The following PEX16 variants were observed in gnomAD, a reference collection of about 807,000 sequenced individuals.
The protein encoded by PEX16 is peroxisomal biogenesis factor 16, also known as peroxin 16.
In PEX16, 37 loss-of-function variants were observed where a neutral mutation model predicts 50.5. The ratio of observed to expected loss-of-function variants is 0.73; its 90% CI spans 0.56 to 0.96. The LOEUF is 0.96. Among genes scored for constraint, PEX16 ranks in the 40% least tolerant of loss-of-function variants. The pLI, the probability that PEX16 is intolerant of heterozygous loss-of-function variation, is 0.00. For synonymous variants in PEX16, 185 were observed against 190.3 expected (o/e 0.97, Z 0.23); for missense variants, 401 against 438.3 (o/e 0.91, Z 0.76).
chr11:45,918,784 C>T (rs1191202545), upstream of PEX16: 1 of 152,224 alleles, frequency 6.6e-6, no homozygotes, highest in Admixed American at 6.5e-5. Context: ...ACCAAGCAGC[C>T]TCCCTGGAAC....
chr11:45,916,491 G>T (rs2086837526), intron 2 of PEX16, among the ~76,000 whole-genome samples, 188 bp from the exon 3 acceptor site: 3 of 152,198 alleles, frequency 2.0e-5, no homozygotes, highest in African/African-American at 7.2e-5. Context: ...TCACAAGGGT[G>T]GCTGGACCAA....
chr11:45,915,623 A>G, intron 4 of PEX16, 55 bp from the exon 5 acceptor site: 1 of 1,612,304 alleles, frequency 6.2e-7, no homozygotes, highest in Non-Finnish European at 8.5e-7. Context: ...GCGGGAGGCC[A>G]GGGATGCTCT....
At chr11:45,911,120 C>T (rs1228167382) in intron 9 of PEX16, among the ~76,000 whole-genome samples, 158 bp from the exon 10 acceptor site, 1 of 152,256 alleles carries the variant, frequency 6.6e-6, no homozygotes, top group East Asian at 1.9e-4. Context: ...GCCCGGTACA[C>T]AAGGGCAAGA....
At chr11:45,915,444 C>T in intron 5 of PEX16, 24 bp downstream of exon 5, 2 of 1,589,346 alleles carry the variant, frequency 1.3e-6, no homozygotes, top group Non-Finnish European at 1.7e-6. Flanking sequence ...CCATTCCGCT[C>T]CAGGGCTTGG....
intron 2 of PEX16, 63 bp from the exon 3 acceptor site, chr11:45,916,366 C>T (rs1217916126): frequency 1.6e-6 from 2 of 1,284,670 alleles, no homozygotes; most frequent in Non-Finnish European, 2.3e-6. Flanking sequence ...TCACCTTCTC[C>T]CCAGAGCTGC....
Position 45,915,695 on chromosome 11 carries a change from C to T in PEX16, c.359+8G>A. 6.2e-7 allele frequency: 1 copy of T among 1,614,128 alleles called. No individual in the cohort carries two copies. Among genetic ancestry groups the T allele is most frequent in the South Asian group, 1.1e-5 (1 of 91,088 alleles). On this transcript the variant is annotated splice_region_variant and intron_variant, in intron 4 of 10. Coordinates refer to ENST00000378750, the MANE Select transcript of PEX16 (RefSeq NM_004813.4). Reference sequence around the variant, plus strand: ...CCACCCAGGACCCTCTCCACAATCCCAACCTACTTGGCCAGCTGGACGAGG... The same window carrying T: ...CCACCCAGGACCCTCTCCACAATCCTAACCTACTTGGCCAGCTGGACGAGG...
chr11:45,910,692 C>G (rs954723266), intron 10 of PEX16, among the ~76,000 whole-genome samples: 1 of 152,220 alleles, frequency 6.6e-6, no homozygotes, highest in Non-Finnish European at 1.5e-5. Flanking sequence ...GGTCCCCCCA[C>G]CAGTGGACAC....
intron 9 of PEX16, 122 bp from the exon 10 acceptor site, chr11:45,911,084 G>C: frequency 1.3e-6 from 1 of 748,482 alleles, no homozygotes; most frequent in Non-Finnish European, 2.3e-6. Context: ...GAAAACAAAG[G>C]TGACTTTCTT....
Position 45,915,616 on chromosome 11 carries a change from G to T in PEX16, c.360-48C>A, listed in dbSNP as rs762401922. ...GTTGTGGGGAGGTGGCTAGCCGGCG[G>T]GAGGCCAGGGATGCTCTGCTGAGCA... is the stretch of plus-strand genomic sequence containing the variant. On this transcript the variant is annotated intron_variant, in intron 4 of 10. Transcript: ENST00000378750. 8.7e-6 allele frequency: 14 copies of T among 1,612,702 alleles called. No individual in the cohort carries two copies. The African/African-American group carries it at 1.7e-4, about 20-fold the overall frequency.
intron 1 of PEX16, 59 bp from the exon 2 acceptor site, chr11:45,917,552 G>C (rs1278328921): frequency 1.2e-6 from 2 of 1,601,198 alleles, no homozygotes; most frequent in African/African-American, 2.7e-5. Flanking sequence ...TTCGTCTTCG[G>C]GTCCCGGAAA....
Position 45,917,455 on chromosome 11 carries a change from C to T in PEX16, c.148+3G>A. 2 of 1,613,890 alleles carry T rather than the reference C, an allele frequency of 1.2e-6. No individual in the cohort carries two copies. The highest frequency in any genetic ancestry group is 2.2e-5 in the East Asian group (1 of 44,882). On this transcript the variant is annotated splice_donor_region_variant and intron_variant, in intron 2 of 10. Coordinates refer to ENST00000378750, the MANE Select transcript of PEX16 (RefSeq NM_004813.4). Reference sequence around the variant, plus strand: ...CATCCCCCACCCCCAGAGCCCGGCTCACCCAGCTCTGACAGCTCGTGCGAA... The same window carrying T: ...CATCCCCCACCCCCAGAGCCCGGCTTACCCAGCTCTGACAGCTCGTGCGAA...
At position 45,910,182 on chromosome 11, in the gene PEX16, C is replaced by T. The variant is rs751612414; in HGVS notation, c.*72G>A. ...GAGAGGCCGCACGCTGGGACGCTGC[C>T]GGAGTCAGTTTTATTAGGGAAGAGG... On this transcript the variant is annotated 3_prime_UTR_variant, in exon 11 of 11. Coordinates refer to ENST00000378750, the MANE Select transcript of PEX16 (RefSeq NM_004813.4). 4.3e-5 allele frequency: 70 copies of T among 1,612,354 alleles called. No homozygotes were observed. In the Middle Eastern group the frequency reaches 6.0e-4, roughly 14 times the overall value.
chr11:45,910,805 G>C, intron 10 of PEX16, 93 bp downstream of exon 10: 1 of 1,181,692 alleles, frequency 8.5e-7, no homozygotes. Context: ...ACTGTGCCAA[G>C]AATCAAATTG....
Position 45,910,243 on chromosome 11 carries a change from C to T in PEX16, c.*11G>A, listed in dbSNP as rs762706235. On this transcript the variant is annotated 3_prime_UTR_variant, in exon 11 of 11. Coordinates refer to ENST00000378750, the MANE Select transcript of PEX16 (RefSeq NM_004813.4). ...CCCACCCCTCCCCACACCCTCCTTCCGGGAGGTCTGTCAGCCCCAACTGTA... is the reference window on the plus strand; with the variant it reads ...CCCACCCCTCCCCACACCCTCCTTCTGGGAGGTCTGTCAGCCCCAACTGTA... The T allele has an allele frequency of 1.1e-4, 170 of 1,613,754 alleles. No individual in the cohort carries two copies. Among genetic ancestry groups the T allele is most frequent in the South Asian group, 2.6e-4 (24 of 91,070 alleles).
At position 45,915,500 on chromosome 11, in the gene PEX16, G is replaced by C; in HGVS notation, c.428C>G (p.Pro143Arg). ...CTGTGCCTGGGTCTCTCTGTCCAGT[G>C]GAACGATAGGGGGTGAAGTCTGGAG... The part of the protein sequence containing the change: ...AGLQTSPPIV[P>R]LDRETQAQPP... Residue 143 changes from proline (P) to arginine (R), a missense_variant, in exon 5 of 11, where the codon CCA becomes CGA. Transcript: ENST00000378750. 1 of 1,614,154 alleles carries C rather than the reference G, an allele frequency of 6.2e-7. No individual in the cohort carries two copies. Among genetic ancestry groups the C allele is most frequent in the Middle Eastern group, 1.6e-4 (1 of 6,062 alleles).
intron 1 of PEX16, 88 bp from the exon 2 acceptor site, chr11:45,917,581 T>C (rs2086850828): frequency 6.5e-7 from 1 of 1,542,434 alleles, no homozygotes; most frequent in Non-Finnish European, 8.9e-7. Flanking sequence ...CTACGCCCTT[T>C]GGGAACCTGG....
At chr11:45,918,473 GCA>G (rs1007048150), upstream of PEX16, 2 of 157,300 alleles carry the variant, frequency 1.3e-5, no homozygotes, top group African/African-American at 2.4e-5. Context: ...CCCCTAGACA[GCA>G]CAGTTAGTGC....
chr11:45,916,082 G>A (rs2086831667), intron 3 of PEX16, 145 bp downstream of exon 3: 1 of 796,622 alleles, frequency 1.3e-6, no homozygotes, highest in South Asian at 1.3e-5. Flanking sequence ...CACTTTACAG[G>A]TCACCTAATG....
rs763840804 is a variant in PEX16, at chr11:45,914,305, G to A, written c.694+11C>T. ...CAGTGCCAGCCCTATCCTGCCCCGC[G>A]CTAAGGATACAGTGCAGCAGCGGCC... On this transcript the variant is annotated intron_variant, in intron 7 of 10. Coordinates refer to ENST00000378750, the MANE Select transcript of PEX16 (RefSeq NM_004813.4). 331 of 1,613,464 alleles carry A rather than the reference G, an allele frequency of 2.1e-4. 2 individuals carry two copies. The South Asian group carries it at 3.3e-3, about 16-fold the overall frequency.
Sources: gnomAD v4.1 joint callset for allele counts (sites outside exome capture counted in the v4.1 genomes callset) on GRCh38, gnomAD v4.1.1 for gene constraint, MANE v1.5 for transcripts, NCBI Gene and HGNC (gene_info 2026-07-23, HGNC 2026-07-21) for gene names.